Variants in NPC1 observed in about 807,000 individuals in gnomAD.
NPC1 encodes the protein Niemann-Pick C1 protein.
Under a neutral mutation model 140.4 loss-of-function variants are expected in NPC1, and 85 were observed. That is an observed-to-expected ratio of 0.61 (90% CI 0.51 to 0.72). The LOEUF is 0.72. Ranked by LOEUF, NPC1 falls within the 30% of genes least tolerant of loss-of-function variation. The pLI, the probability that NPC1 is intolerant of heterozygous loss-of-function variation, is 0.00. For synonymous variants in NPC1, 656 were observed against 624.8 expected (o/e 1.05, Z -0.74); for missense variants, 1,504 against 1,623.8 (o/e 0.93, Z 1.27).
At chr18:23,544,593 G>A (rs1264716696) in intron 12 of NPC1, 67 bp from the exon 13 acceptor site, 3 of 1,446,328 alleles carry the variant, frequency 2.1e-6, no homozygotes, top group Admixed American at 1.7e-5. Context: ...GTTACTAAAA[G>A]GTCCTCCTTT....
At chr18:23,553,693 GTA>G (rs2058907461) in intron 9 of NPC1, among the ~76,000 whole-genome samples, 1 of 152,204 alleles carries the variant, frequency 6.6e-6, no homozygotes, top group Non-Finnish European at 1.5e-5. Flanking sequence ...TTCAGGGAGA[GTA>G]GGCCCATCCG....
In NPC1 at chr18:23,543,469, A is replaced by AG; in HGVS notation, c.2230_2231insC (p.Val744AlafsTer28). On this transcript the variant is annotated frameshift_variant, in exon 14 of 25. Coordinates refer to ENST00000269228, the MANE Select transcript of NPC1 (RefSeq NM_000271.5). LOFTEE classifies it high-confidence loss of function. Reference sequence around the variant, plus strand: ...AGCATAATTACCTAAGAAAAATGCTACAGTCTCAGAAAAGGATGACAGGAA... The same window carrying AG: ...AGCATAATTACCTAAGAAAAATGCTAGCAGTCTCAGAAAAGGATGACAGGAA... 1 of 1,601,942 alleles carries AG rather than the reference A, an allele frequency of 6.2e-7. No homozygotes were observed.
downstream of NPC1, chr18:23,530,741 A>C: frequency 1.3e-6 from 1 of 785,154 alleles, no homozygotes; most frequent in Middle Eastern, 3.1e-4. Flanking sequence ...CAGCCCACCT[A>C]GCCCTTGGCC....
In NPC1 at chr18:23,540,539, T is replaced by C; in HGVS notation, c.2515-2A>G. 1 of 1,602,994 alleles carries C rather than the reference T, an allele frequency of 6.2e-7. No homozygotes were observed. Among genetic ancestry groups the C allele is most frequent in the Non-Finnish European group, 8.5e-7 (1 of 1,170,006 alleles). On this transcript the variant is annotated splice_acceptor_variant, in intron 16 of 24. Transcript: ENST00000269228. LOFTEE classifies it high-confidence loss of function. ...CAGAACACCCACAAATATTGCTATC[T>C]GGAACAACAAATGAATCATAAGACA...
At chr18:23,553,226 CTTTTA>C (rs2058900066) in intron 9 of NPC1, among the ~76,000 whole-genome samples, 1 of 152,192 alleles carries the variant, frequency 6.6e-6, no homozygotes, top group South Asian at 2.1e-4. Flanking sequence ...TTTTTGTTGA[CTTTTA>C]TCTTGTGCCA....
Position 23,543,484 on chromosome 18 carries a change from G to C in NPC1, c.2216C>G (p.Ser739Cys). The C allele has an allele frequency of 6.2e-7, 1 of 1,611,028 alleles. No individual in the cohort carries two copies. The highest frequency in any genetic ancestry group is 8.5e-7 in the Non-Finnish European group (1 of 1,177,670). The change falls in exon 14 of 25, where the codon TCC (serine) becomes TGC (cysteine). Residue 739 changes from serine (S) to cysteine (C), a missense_variant. Transcript: ENST00000269228. ...GAAAAATGCTACAGTCTCAGAAAAG[G>C]ATGACAGGAACATACTGGGAGCCAC... ...GEVAPSMFLS[S>C]FSETVAFFLG...
intron 10 of NPC1, among the ~76,000 whole-genome samples, chr18:23,548,749 TA>T (rs2058825709): frequency 6.6e-6 from 1 of 152,176 alleles, no homozygotes; most frequent in Non-Finnish European, 1.5e-5. Context: ...TTTTAATGTG[TA>T]AAACACATAC....
At chr18:23,559,524 C>T (rs528554232) in intron 6 of NPC1, among the ~76,000 whole-genome samples, 5 of 115,160 alleles carry the variant, frequency 4.3e-5, no homozygotes, top group Non-Finnish European at 6.5e-5. Flanking sequence ...TTTGGTGAGA[C>T]ACAGTCTCGC....
In NPC1 at chr18:23,561,424, C is replaced by T. The variant is rs1166316958; in HGVS notation, c.567G>A (p.Trp189Ter). The T allele has an allele frequency of 6.2e-7, 1 of 1,614,128 alleles. No homozygotes were observed. The highest frequency in any genetic ancestry group is 8.5e-7 in the Non-Finnish European group (1 of 1,179,978). Residue 189 changes from tryptophan to a stop codon, truncating the protein, a stop_gained, in exon 5 of 25, where the codon TGG becomes TGA. Transcript: ENST00000269228. LOFTEE classifies it high-confidence loss of function. ...TGTCCTTATTGAACATGTATTCAAT[C>T]CAGTTGGTGGCATTACAGGCGTCAG... ...KDADACNATN[W>*]IEYMFNKDNG...
intron 1 of NPC1, among the ~76,000 whole-genome samples, chr18:23,575,375 C>T (rs917334193): frequency 6.6e-6 from 1 of 152,096 alleles, no homozygotes; most frequent in Non-Finnish European, 1.5e-5. Context: ...GGAGTGGGAT[C>T]GAGTCCTGGG....
At chr18:23,553,208 C>T (rs2058899705) in intron 9 of NPC1, among the ~76,000 whole-genome samples, 1 of 152,198 alleles carries the variant, frequency 6.6e-6, no homozygotes, top group African/African-American at 2.4e-5. Context: ...CACCTCTGTC[C>T]CCCATCATTT....
In NPC1 at chr18:23,581,509, A is replaced by G. The variant is rs559643151; in HGVS notation, c.57+4778T>C. Among the ~76,000 whole-genome samples, 4 of 152,312 alleles carry G rather than the reference A, an allele frequency of 2.6e-5. No individual in the cohort carries two copies. In the South Asian group the frequency reaches 6.2e-4, roughly 24 times the overall value. The stretch of plus-strand genomic sequence containing the variant: ...AATTTGACCCTTGATGTCTGCATCT[A>G]TAAAATAGGAAAAACAGCATTACAC... On this transcript the variant is annotated intron_variant, in intron 1 of 24. Coordinates refer to ENST00000269228, the MANE Select transcript of NPC1 (RefSeq NM_000271.5).
chr18:23,539,740 A>G (rs1041882185), intron 18 of NPC1, 71 bp downstream of exon 18: 15 of 1,494,950 alleles, frequency 1.0e-5, no homozygotes, highest in Non-Finnish European at 1.4e-5. Context: ...GAGACATTTC[A>G]GGCCTGAGCT....
chr18:23,516,422 A>G (rs1483760695), intron 3 of NPC1: 4 of 1,613,432 alleles, frequency 2.5e-6, no homozygotes, highest in African/African-American at 2.7e-5. Flanking sequence ...AATGGCTACC[A>G]TGTATGTCCG....
chr18:23,560,876 T>C (rs1567970029), intron 5 of NPC1, among the ~76,000 whole-genome samples: 1 of 152,198 alleles, frequency 6.6e-6, no homozygotes, highest in Non-Finnish European at 1.5e-5. Context: ...TCCTCCTCCA[T>C]TCCCACTCCC....
intron 10 of NPC1, among the ~76,000 whole-genome samples, chr18:23,550,520 C>T (rs530250196): frequency 3.6e-5 from 3 of 82,718 alleles, no homozygotes; most frequent in South Asian, 8.0e-4. Flanking sequence ...CTCACTCTGT[C>T]GCCCAGGCTG....
intron 6 of NPC1, among the ~76,000 whole-genome samples, chr18:23,558,792 T>C (rs908781290): frequency 1.3e-5 from 2 of 152,220 alleles, no homozygotes; most frequent in African/African-American, 2.4e-5. Context: ...TACGTATGTG[T>C]ACGTGTGCCA....
downstream of NPC1, among the ~76,000 whole-genome samples, chr18:23,524,826 GC>G (rs1032478472): frequency 4.0e-5 from 6 of 151,310 alleles, no homozygotes; most frequent in Non-Finnish European, 2.9e-5. Context: ...CGGTGTCCGT[GC>G]CCTTTTCTGT....
intron 3 of NPC1, chr18:23,507,948 T>C (rs1307304048): frequency 6.2e-7 from 1 of 1,601,446 alleles, no homozygotes; most frequent in East Asian, 2.3e-5. Flanking sequence ...TGCTGCCTAA[T>C]CCAAATTTGT....
Sources: allele counts gnomAD v4.1 joint callset (sites outside exome capture counted in the v4.1 genomes callset), GRCh38; gene constraint gnomAD v4.1.1; transcripts MANE v1.5; gene names NCBI Gene and HGNC (gene_info 2026-07-23, HGNC 2026-07-21).